RREB1: variants seen among roughly 807,000 people sequenced by gnomAD.
RREB1 encodes ras responsive element binding protein 1.
In RREB1, 27 loss-of-function variants were observed where a neutral mutation model predicts 117.8. The observed-to-expected ratio is 0.23, with a 90% CI of 0.17 to 0.32. The LOEUF (loss-of-function observed/expected upper bound fraction) is 0.32. Among genes scored for constraint, RREB1 ranks in the 10% least tolerant of loss-of-function variants. The pLI, the probability that RREB1 is intolerant of heterozygous loss-of-function variation, is 1.00. For synonymous variants in RREB1, 1,298 were observed against 1,026.7 expected (o/e 1.26, Z -5.05); for missense variants, 2,577 against 2,378.2 (o/e 1.08, Z -1.74).
At position 7,210,191 on chromosome 6, in the gene RREB1, A is replaced by G. The variant is rs1019171885; in HGVS notation, c.426-613A>G. On this transcript the variant is annotated intron_variant, in intron 6 of 12. Transcript: ENST00000379938. ...GTCCTGTAGATATTAGAGTTACCAC[A>G]TGTAACTTTTTCATTCCACTGTCCG... 7.2e-5 allele frequency among the ~76,000 whole-genome samples: 11 copies of G among 152,356 alleles called. 1 individual carries two copies. In the South Asian group the frequency reaches 1.0e-3, roughly 14 times the overall value.
intron 2 of RREB1, among the ~76,000 whole-genome samples, chr6:7,177,096 G>A (rs949420189): frequency 6.6e-6 from 1 of 151,808 alleles, no homozygotes; most frequent in African/African-American, 2.4e-5. Context: ...GTGCGTGCCT[G>A]TAATCCCAGC....
intron 1 of RREB1, among the ~76,000 whole-genome samples, chr6:7,148,191 C>T (rs747983868): frequency 6.6e-6 from 1 of 152,134 alleles, no homozygotes. Context: ...CCTTGATTCC[C>T]ATTGATCCTT....
intron 6 of RREB1, among the ~76,000 whole-genome samples, chr6:7,200,142 T>C (rs1219867098): frequency 6.6e-6 from 1 of 152,114 alleles, no homozygotes; most frequent in Non-Finnish European, 1.5e-5. Context: ...TGTTTTTTTC[T>C]TTTCTAATAC....
In RREB1 at chr6:7,251,360, G is replaced by T. The variant is rs1241653818; in HGVS notation, c.*2392G>T. The T allele has an allele frequency of 6.6e-6, 1 of 151,750 alleles. No individual in the cohort carries two copies. Among genetic ancestry groups the T allele is most frequent in the East Asian group, 1.9e-4 (1 of 5,178 alleles). The allele number at this position is 151,750 out of a possible 1,614,324, so 9.4% of individuals were successfully genotyped here. A position where few individuals can be genotyped will look rare whatever the true frequency, so the allele number is the denominator to read the frequency against. ...TAAACTCTGGGTGAATCATAGCTTA[G>T]TTTGCATGTCCAGCTAATTTGTTTC... On this transcript the variant is annotated 3_prime_UTR_variant, in exon 13 of 13. Coordinates refer to ENST00000379938, the MANE Select transcript of RREB1 (RefSeq NM_001003699.4).
intron 12 of RREB1, among the ~76,000 whole-genome samples, chr6:7,248,309 G>A (rs1238588665): frequency 6.6e-6 from 1 of 152,176 alleles, no homozygotes; most frequent in African/African-American, 2.4e-5. Flanking sequence ...GAGAGGAAAG[G>A]TCTCAGACTG....
At chr6:7,210,643 AT>A (rs1766527027) in intron 6 of RREB1, among the ~76,000 whole-genome samples, 160 bp from the exon 7 acceptor site, 1 of 152,258 alleles carries the variant, frequency 6.6e-6, no homozygotes, top group African/African-American at 2.4e-5. Context: ...GTTCAAGGAG[AT>A]TATAGAGTTT....
intron 11 of RREB1, among the ~76,000 whole-genome samples, chr6:7,244,110 A>G (rs1214992705): frequency 6.6e-6 from 1 of 151,808 alleles, no homozygotes; most frequent in East Asian, 1.9e-4. Context: ...TAAAAATACA[A>G]AAATTAGCTG....
At chr6:7,201,089 T>C (rs1427725929) in intron 6 of RREB1, among the ~76,000 whole-genome samples, 1 of 152,158 alleles carries the variant, frequency 6.6e-6, no homozygotes, top group Non-Finnish European at 1.5e-5. Context: ...AGGTTAGGGA[T>C]GGGCTTGCTG....
chr6:7,111,911 C>T (rs944308061), intron 1 of RREB1, among the ~76,000 whole-genome samples: 1 of 152,132 alleles, frequency 6.6e-6, no homozygotes, highest in Non-Finnish European at 1.5e-5. Context: ...AAAGTTATGT[C>T]TTTTATTCCG....
chr6:7,239,841 C>T (rs183724267), intron 10 of RREB1, among the ~76,000 whole-genome samples: 1 of 152,340 alleles, frequency 6.6e-6, no homozygotes. Flanking sequence ...CAGGATGTCT[C>T]GGCAAGTCAG....
chr6:7,193,348 G>A (rs1282283686), intron 6 of RREB1, among the ~76,000 whole-genome samples: 1 of 152,174 alleles, frequency 6.6e-6, no homozygotes. Context: ...GTTGGGTCTA[G>A]TAGGTTTATA....
intron 1 of RREB1, among the ~76,000 whole-genome samples, chr6:7,134,033 TG>T (rs1306290008): frequency 6.6e-6 from 1 of 152,186 alleles, no homozygotes; most frequent in African/African-American, 2.4e-5. Flanking sequence ...GGCATAATTT[TG>T]GGGGGCAGGG....
intron 6 of RREB1, among the ~76,000 whole-genome samples, chr6:7,201,003 C>T (rs982989165): frequency 6.6e-5 from 10 of 152,204 alleles, no homozygotes; most frequent in African/African-American, 2.4e-4. Context: ...TGGTGGATGG[C>T]AGCAGAATCT....
At chr6:7,206,514 T>G (rs1418628051) in intron 6 of RREB1, among the ~76,000 whole-genome samples, 1 of 152,250 alleles carries the variant, frequency 6.6e-6, no homozygotes, top group African/African-American at 2.4e-5. Flanking sequence ...TAGCAGATAC[T>G]TACTGACCAA....
At chr6:7,199,686 C>T (rs1171638848) in intron 6 of RREB1, among the ~76,000 whole-genome samples, 2 of 151,336 alleles carry the variant, frequency 1.3e-5, no homozygotes, top group Admixed American at 6.6e-5. Flanking sequence ...TGTTTTGAGA[C>T]GGGGTCTCAC....
rs1437617664 is a variant in RREB1, at chr6:7,248,804, G to A, written c.5065G>A (p.Glu1689Lys). 1.2e-6 allele frequency: 2 copies of A among 1,613,936 alleles called. No homozygotes were observed. Among genetic ancestry groups the A allele is most frequent in the East Asian group, 2.2e-5 (1 of 44,880 alleles). ...SATKDCSHRE[E>K]KVTAGWPSEP... ...CACCAAGGACTGCAGCCACAGGGAG[G>A]AGAAGGTCACGGCAGGGTGGCCGTC... The change falls in exon 13 of 13, where the codon GAG becomes AAG. Residue 1689 changes from glutamate (E) to lysine (K), a missense_variant. Glu to Lys is a moderately conservative substitution (Grantham distance 56, BLOSUM62 1). Coordinates refer to ENST00000379938, the MANE Select transcript of RREB1 (RefSeq NM_001003699.4).
intron 1 of RREB1, among the ~76,000 whole-genome samples, chr6:7,126,285 C>T (rs1019076069): frequency 5.3e-5 from 8 of 151,976 alleles, no homozygotes; most frequent in Admixed American, 2.0e-4. Flanking sequence ...CAGGCGTGAG[C>T]CACTGCGCCC....
At chr6:7,169,884 A>T (rs969407276) in intron 1 of RREB1, among the ~76,000 whole-genome samples, 1 of 152,208 alleles carries the variant, frequency 6.6e-6, no homozygotes, top group Admixed American at 6.5e-5. Flanking sequence ...TAAATACTCA[A>T]TCTGACTGAC....
intron 2 of RREB1, among the ~76,000 whole-genome samples, chr6:7,177,102 C>T (rs1581494750): frequency 6.6e-6 from 1 of 151,600 alleles, no homozygotes; most frequent in African/African-American, 2.4e-5. Flanking sequence ...GCCTGTAATC[C>T]CAGCTACTCA....
Sources: allele counts gnomAD v4.1 joint callset (sites outside exome capture counted in the v4.1 genomes callset), GRCh38; gene constraint gnomAD v4.1.1; transcripts MANE v1.5; gene names NCBI Gene and HGNC (gene_info 2026-07-23, HGNC 2026-07-21).